NALF1: variants seen among roughly 807,000 people sequenced by gnomAD.
NALF1 encodes the protein NALCN channel auxiliary factor 1, also known as family with sequence similarity 155 member A.
A neutral mutation model predicts 48.4 loss-of-function variants in NALF1; 3 were observed. That is an observed-to-expected ratio of 0.06 (90% CI 0.03 to 0.16). NALF1 has a LOEUF of 0.16. NALF1 is among the 10% of genes least tolerant of loss of function. The pLI is 1.00. For synonymous variants in NALF1, 262 were observed against 245.7 expected, an observed-to-expected ratio of 1.07 and a Z score of -0.62; for missense variants, 526 against 571.5, an observed-to-expected ratio of 0.92 and a Z score of 0.81.
intron 1 of NALF1, among the ~76,000 whole-genome samples, chr13:107,630,767 C>T (rs559113382): frequency 9.2e-5 from 14 of 151,686 alleles, no homozygotes; most frequent in East Asian, 2.0e-4. Flanking sequence ...TATATTTATA[C>T]TAGGACATAA....
intron 1 of NALF1, among the ~76,000 whole-genome samples, chr13:107,819,854 T>C (rs1021240965): frequency 6.6e-6 from 1 of 152,082 alleles, no homozygotes; most frequent in Non-Finnish European, 1.5e-5. Flanking sequence ...CTGTACCTTG[T>C]AGTAGCGCTT....
At chr13:107,659,145 GCACT>G (rs1318085225) in intron 1 of NALF1, among the ~76,000 whole-genome samples, 1 of 84,502 alleles carries the variant, frequency 1.2e-5, no homozygotes, top group Non-Finnish European at 2.6e-5. Flanking sequence ...ACACACACAC[GCACT>G]CAAACTTGTC....
chr13:107,624,403 T>C (rs1378190675), intron 1 of NALF1, among the ~76,000 whole-genome samples: 1 of 152,146 alleles, frequency 6.6e-6, no homozygotes, highest in African/African-American at 2.4e-5. Context: ...TATATTAAAG[T>C]TCTCATAAAA....
chr13:107,846,035 T>A (rs1317671192), intron 1 of NALF1, among the ~76,000 whole-genome samples: 1 of 152,162 alleles, frequency 6.6e-6, no homozygotes, highest in Non-Finnish European at 1.5e-5. Flanking sequence ...TGTACAAATC[T>A]ATCTTCTTTG....
intron 1 of NALF1, among the ~76,000 whole-genome samples, chr13:107,843,306 C>T (rs1475901707): frequency 3.9e-5 from 6 of 152,068 alleles, no homozygotes; most frequent in Admixed American, 3.9e-4. Flanking sequence ...AAGGAAATAG[C>T]GTGAAGTCAC....
chr13:107,673,128 T>A (rs1294533069), intron 1 of NALF1, among the ~76,000 whole-genome samples: 1 of 152,174 alleles, frequency 6.6e-6, no homozygotes, highest in Non-Finnish European at 1.5e-5. Flanking sequence ...GGCTGCATGT[T>A]TGGGCTTTGA....
At chr13:107,425,703 T>C (rs1884267719) in intron 1 of NALF1, among the ~76,000 whole-genome samples, 1 of 152,170 alleles carries the variant, frequency 6.6e-6, no homozygotes, top group Non-Finnish European at 1.5e-5. Context: ...TGATATTGAA[T>C]ACCTATTTAC....
chr13:107,754,018 C>T (rs1466550511), intron 1 of NALF1, among the ~76,000 whole-genome samples: 3 of 152,116 alleles, frequency 2.0e-5, no homozygotes, highest in African/African-American at 4.8e-5. Flanking sequence ...TAGAAGAATG[C>T]TTCCAAATGT....
At chr13:107,497,251 T>C (rs780561966) in intron 1 of NALF1, among the ~76,000 whole-genome samples, 45 of 152,204 alleles carry the variant, frequency 3.0e-4, no homozygotes, top group South Asian at 6.2e-4. Context: ...TTGAGATATA[T>C]AATTTTAGTT....
intron 1 of NALF1, among the ~76,000 whole-genome samples, chr13:107,688,251 G>A (rs1594207878): frequency 6.6e-6 from 1 of 152,266 alleles, no homozygotes; most frequent in East Asian, 1.9e-4. Context: ...AGGCTAGAGA[G>A]ATATTACATG....
intron 1 of NALF1, among the ~76,000 whole-genome samples, chr13:107,613,058 G>C (rs985911764): frequency 1.3e-5 from 2 of 151,892 alleles, no homozygotes; most frequent in African/African-American, 4.8e-5. Flanking sequence ...CTGGAGGAAG[G>C]GAGCAGCCAC....
intron 1 of NALF1, among the ~76,000 whole-genome samples, chr13:107,751,250 T>C (rs138371510): frequency 1.3e-5 from 2 of 152,318 alleles, no homozygotes; most frequent in African/African-American, 4.8e-5. Context: ...TCCAATGATA[T>C]TTCACATAGC....
At chr13:107,479,421 T>A (rs1407517786) in intron 1 of NALF1, among the ~76,000 whole-genome samples, 1 of 152,186 alleles carries the variant, frequency 6.6e-6, no homozygotes, top group Non-Finnish European at 1.5e-5. Flanking sequence ...AAAATATTTT[T>A]ATTTCTGTTA....
intron 1 of NALF1, among the ~76,000 whole-genome samples, chr13:107,307,009 C>G (rs1279790607): frequency 6.6e-6 from 1 of 152,088 alleles, no homozygotes; most frequent in African/African-American, 2.4e-5. Context: ...ACGTTTTTGC[C>G]ATGGGAAGTC....
At chr13:107,598,010 A>G (rs1305869338) in intron 1 of NALF1, among the ~76,000 whole-genome samples, 4 of 152,210 alleles carry the variant, frequency 2.6e-5, no homozygotes. Flanking sequence ...TTACAAGACT[A>G]TAACTTGGCA....
At chr13:107,321,675 T>G (rs2138914353) in intron 1 of NALF1, among the ~76,000 whole-genome samples, 1 of 152,258 alleles carries the variant, frequency 6.6e-6, no homozygotes, top group South Asian at 2.1e-4. Flanking sequence ...CGTCTAGAAC[T>G]ACACAGATTC....
At chr13:107,514,200 T>C (rs1394028533) in intron 1 of NALF1, among the ~76,000 whole-genome samples, 3 of 152,240 alleles carry the variant, frequency 2.0e-5, no homozygotes, top group African/African-American at 7.2e-5. Flanking sequence ...AGGTGAAATG[T>C]ACGTGTTAAT....
chr13:107,448,543 A>G (rs1731287586), intron 1 of NALF1, among the ~76,000 whole-genome samples: 1 of 152,208 alleles, frequency 6.6e-6, no homozygotes, highest in African/African-American at 2.4e-5. Context: ...GGTAATGTCC[A>G]GGAGGGGTCA....
rs1408572 is a variant in NALF1, at chr13:107,290,199, C to A, written c.916-79444G>T. 8.8e-3 allele frequency among the ~76,000 whole-genome samples: 1,310 copies of A among 148,098 alleles called. 13 individuals carry two copies. The highest frequency in any genetic ancestry group is 0.017 in the East Asian group (84 of 5,044). ...CAAAAAAAAAAAACAAAAAAAAAAA[C>A]CAGAAATACATTTTGCCACAAATTA... On this transcript the variant is annotated intron_variant, in intron 1 of 2. Coordinates refer to ENST00000375915, the MANE Select transcript of NALF1 (RefSeq NM_001080396.3).
Sources: gnomAD v4.1 joint callset for allele counts (sites outside exome capture counted in the v4.1 genomes callset) on GRCh38, gnomAD v4.1.1 for gene constraint, MANE v1.5 for transcripts, NCBI Gene and HGNC (gene_info 2026-07-23, HGNC 2026-07-21) for gene names.